OPCML: variants seen among roughly 807,000 people sequenced by gnomAD.
The protein encoded by OPCML is opioid-binding protein/cell adhesion molecule.
OPCML carries 13 observed loss-of-function variants against 37.8 expected under a neutral mutation model. The ratio of observed to expected loss-of-function variants is 0.34; its 90% confidence interval spans 0.22 to 0.55. OPCML has a LOEUF of 0.55. OPCML is among the 20% of genes least tolerant of loss of function. OPCML has a pLI of 0.91. For missense variants in OPCML, 341 were observed against 435.6 expected, an observed-to-expected ratio of 0.78 and a Z score of 1.93; for synonymous variants, 176 against 168.8, an observed-to-expected ratio of 1.04 and a Z score of -0.33.
At chr11:133,229,725 G>A (rs7128849) in intron 1 of OPCML, among the ~76,000 whole-genome samples, 2 of 152,112 alleles carry the variant, frequency 1.3e-5, no homozygotes, top group Non-Finnish European at 2.9e-5. Flanking sequence ...GCATCCTCTG[G>A]GGGGCTTGGA....
chr11:132,655,841 GA>G (rs1327267678), intron 3 of OPCML, among the ~76,000 whole-genome samples: 1 of 148,386 alleles, frequency 6.7e-6, no homozygotes, highest in African/African-American at 2.5e-5. Flanking sequence ...GAAACCAATT[GA>G]AATGAGCAAC....
intron 1 of OPCML, among the ~76,000 whole-genome samples, chr11:133,431,756 C>T (rs1023823669): frequency 1.4e-4 from 21 of 149,762 alleles, no homozygotes; most frequent in Non-Finnish European, 2.4e-4. Flanking sequence ...TGAACCACTG[C>T]GCCCCGCCGA....
At chr11:132,886,002 A>G (rs1368896258) in intron 2 of OPCML, among the ~76,000 whole-genome samples, 1 of 152,112 alleles carries the variant, frequency 6.6e-6, no homozygotes, top group Non-Finnish European at 1.5e-5. Flanking sequence ...ATTATAATAT[A>G]CATACTTTTC....
At chr11:132,751,855 G>T (rs774516648) in intron 2 of OPCML, among the ~76,000 whole-genome samples, 22 of 152,218 alleles carry the variant, frequency 1.4e-4, no homozygotes, top group Non-Finnish European at 2.9e-4. Flanking sequence ...GCTTAAGGTG[G>T]AGAGTCCACC....
chr11:132,502,623 G>A (rs1191964337), intron 4 of OPCML, among the ~76,000 whole-genome samples: 6 of 152,250 alleles, frequency 3.9e-5, no homozygotes, highest in Non-Finnish European at 1.5e-5. Flanking sequence ...GGAAAAAGAT[G>A]GTTTTAATTA....
At position 132,418,352 on chromosome 11, in the gene OPCML, TG is replaced by T. The variant is rs1460157466; in HGVS notation, c.*1840del. On this transcript the variant is annotated 3_prime_UTR_variant, in exon 8 of 8. Coordinates refer to ENST00000524381, the MANE Select transcript of OPCML (RefSeq NM_001012393.5). ...CTTTATTTTGAATCCCAGGCAACTTTGCTGGATGAGTCCTTCTCGTCCCAGG... is the reference window on the plus strand; with the variant it reads ...CTTTATTTTGAATCCCAGGCAACTTTCTGGATGAGTCCTTCTCGTCCCAGG... The T allele has an allele frequency of 2.6e-5, 4 of 152,254 alleles. No individual in the cohort carries two copies. Among genetic ancestry groups the T allele is most frequent in the Admixed American group, 2.0e-4 (3 of 15,274 alleles). 9.4% of individuals were successfully genotyped at this position (152,254 alleles called of 1,614,324 possible).
chr11:133,506,305 G>T (rs1227171007), intron 1 of OPCML, among the ~76,000 whole-genome samples: 2 of 152,188 alleles, frequency 1.3e-5, no homozygotes, highest in African/African-American at 4.8e-5. Flanking sequence ...GCATTTTAAA[G>T]AGTAGAACAA....
chr11:132,771,659 A>G (rs1946638047), intron 2 of OPCML: 1 of 152,202 alleles, frequency 6.6e-6, no homozygotes, highest in African/African-American at 2.4e-5. Flanking sequence ...TGAAGTTGTG[A>G]GACTTCATCA....
At chr11:132,453,306 T>A (rs532172958) in intron 4 of OPCML, among the ~76,000 whole-genome samples, 13 of 152,276 alleles carry the variant, frequency 8.5e-5, no homozygotes, top group African/African-American at 3.1e-4. Flanking sequence ...TGACAAATAA[T>A]TATCTGACCC....
At chr11:132,691,698 C>T (rs1943411225) in intron 2 of OPCML, among the ~76,000 whole-genome samples, 1 of 152,092 alleles carries the variant, frequency 6.6e-6, no homozygotes, top group Admixed American at 6.5e-5. Context: ...AAATGGAGAA[C>T]AAAAAGGCCT....
chr11:132,990,773 T>C (rs1946760152), intron 1 of OPCML, among the ~76,000 whole-genome samples: 1 of 152,210 alleles, frequency 6.6e-6, no homozygotes, highest in Admixed American at 6.5e-5. Flanking sequence ...AGCAAGTAGC[T>C]CGAGCATTCC....
chr11:133,132,794 G>T (rs1273682317), intron 1 of OPCML, among the ~76,000 whole-genome samples: 1 of 149,456 alleles, frequency 6.7e-6, no homozygotes, highest in Admixed American at 6.7e-5. Context: ...ACAAAAAATA[G>T]AAAATGCAAC....
At chr11:132,422,546 G>A (rs542547826) in intron 7 of OPCML, among the ~76,000 whole-genome samples, 2 of 152,300 alleles carry the variant, frequency 1.3e-5, no homozygotes, top group Middle Eastern at 3.4e-3. Context: ...AGCCTGCTTA[G>A]GGCAATGATG....
chr11:133,207,534 T>C (rs1361830508), intron 1 of OPCML, among the ~76,000 whole-genome samples: 1 of 152,180 alleles, frequency 6.6e-6, no homozygotes, highest in African/African-American at 2.4e-5. Flanking sequence ...CTCTGGACAA[T>C]TCGCTCTGTC....
chr11:133,520,764 C>T (rs935717327), intron 1 of OPCML, among the ~76,000 whole-genome samples: 1 of 152,160 alleles, frequency 6.6e-6, no homozygotes, highest in Non-Finnish European at 1.5e-5. Flanking sequence ...CTTTTAGCTT[C>T]ACTTGAGGCT....
intron 1 of OPCML, among the ~76,000 whole-genome samples, chr11:133,283,720 A>C (rs893481591): frequency 1.3e-5 from 2 of 152,180 alleles, no homozygotes; most frequent in Non-Finnish European, 2.9e-5. Context: ...TCCACCAGAT[A>C]AATTTTAAAA....
chr11:133,194,506 G>T (rs141950823), intron 1 of OPCML, among the ~76,000 whole-genome samples: 1 of 152,014 alleles, frequency 6.6e-6, no homozygotes, highest in African/African-American at 2.4e-5. Context: ...CACTGCGCCC[G>T]GCTGCTTCAG....
chr11:133,145,691 G>A (rs1949888000), intron 1 of OPCML, among the ~76,000 whole-genome samples: 1 of 152,226 alleles, frequency 6.6e-6, no homozygotes, highest in Admixed American at 6.5e-5. Flanking sequence ...GAGCGTGGAG[G>A]TAGGAAGACT....
At chr11:132,708,029 A>G (rs1412082322) in intron 2 of OPCML, among the ~76,000 whole-genome samples, 1 of 152,230 alleles carries the variant, frequency 6.6e-6, no homozygotes, top group Admixed American at 6.5e-5. Flanking sequence ...TAAAAACTAC[A>G]AATTTATATT....
Sources: allele counts gnomAD v4.1 joint callset (sites outside exome capture counted in the v4.1 genomes callset), GRCh38; gene constraint gnomAD v4.1.1; transcripts MANE v1.5; gene names NCBI Gene and HGNC (gene_info 2026-07-23, HGNC 2026-07-21).